Variants in ADGRE3 observed in about 807,000 individuals in gnomAD.
ADGRE3 encodes the protein adhesion G protein-coupled receptor E3.
A neutral mutation model predicts 80.1 loss-of-function variants in ADGRE3; 88 were observed. The ratio of observed to expected loss-of-function variants is 1.10; its 90% CI spans 0.93 to 1.31. ADGRE3 has a LOEUF of 1.31. Ranked by LOEUF, ADGRE3 falls within the 40% of genes most tolerant of loss-of-function variation. The pLI is 0.00. For synonymous variants in ADGRE3, 281 were observed against 294.8 expected (o/e 0.95, Z 0.48); for missense variants, 715 against 776.5 (o/e 0.92, Z 0.94).
intron 15 of ADGRE3, among the ~76,000 whole-genome samples, chr19:14,620,537 T>TATATATATATATATAATATATA (rs1415988959): frequency 5.4e-5 from 1 of 18,450 alleles, no homozygotes; most frequent in Non-Finnish European, 8.9e-5. Flanking sequence ...TATATATATT[T>TATATATATATATATAATATATA]TATATATATA....
At chr19:14,627,480 T>C (rs905025245) in intron 14 of ADGRE3, among the ~76,000 whole-genome samples, 3 of 152,076 alleles carry the variant, frequency 2.0e-5, no homozygotes, top group African/African-American at 7.2e-5. Context: ...CAGGTTAAAG[T>C]GATTCTCTAG....
At chr19:14,607,404 C>G in the ADGRE3 span, among the ~76,000 whole-genome samples, 25 of 151,694 alleles carry the variant, frequency 1.6e-4, no homozygotes, top group Non-Finnish European at 2.9e-4. Flanking sequence ...GGGGTTTCAC[C>G]GTGTTAGCCA....
chr19:14,650,078 C>G (rs1192744542), intron 7 of ADGRE3, among the ~76,000 whole-genome samples: 3 of 149,584 alleles, frequency 2.0e-5, no homozygotes, highest in Non-Finnish European at 4.5e-5. Context: ...TGCTTTTGAT[C>G]TCTCTCTCCC....
chr19:14,641,676 C>A, intron 9 of ADGRE3, 60 bp from the exon 10 acceptor site: 1 of 1,581,312 alleles, frequency 6.3e-7, no homozygotes. Flanking sequence ...ATGGCTCCCT[C>A]CTTGAACTGG....
chr19:14,625,864 T>C (rs577921550), intron 14 of ADGRE3, among the ~76,000 whole-genome samples: 12 of 152,250 alleles, frequency 7.9e-5, no homozygotes, highest in South Asian at 4.1e-4. Context: ...ATTCTACTTA[T>C]ATGAGGTACC....
intron 10 of ADGRE3, among the ~76,000 whole-genome samples, 196 bp from the exon 11 acceptor site, chr19:14,638,536 G>A (rs1256592247): frequency 6.6e-6 from 1 of 152,020 alleles, no homozygotes; most frequent in East Asian, 1.9e-4. Flanking sequence ...GATTGCTTGA[G>A]CCCAGGAGTT....
At chr19:14,643,831 C>T (rs1486718306) in intron 9 of ADGRE3, among the ~76,000 whole-genome samples, 1 of 151,988 alleles carries the variant, frequency 6.6e-6, no homozygotes, top group East Asian at 1.9e-4. Flanking sequence ...TTGTCTCAGC[C>T]TCCTGAGTAG....
rs1568479165 is a variant in ADGRE3, at chr19:14,633,310, CAG to C, written c.1485-10_1485-9del. The stretch of plus-strand genomic sequence containing the variant: ...TCCAGGTGGAGCCAGCATCTAGGAA[CAG>C]TGGGAAAAGAGATACAAAGAGAGAT... On this transcript the variant is annotated splice_polypyrimidine_tract_variant and intron_variant, in intron 11 of 15. Coordinates refer to ENST00000253673, the MANE Select transcript of ADGRE3 (RefSeq NM_032571.5). 3 of 1,608,554 alleles carry C rather than the reference CAG, an allele frequency of 1.9e-6. No individual in the cohort carries two copies. The highest frequency in any genetic ancestry group is 2.6e-6 in the Non-Finnish European group (3 of 1,176,458).
chr19:14,605,681 A>G, the ADGRE3 span, among the ~76,000 whole-genome samples: 1 of 151,790 alleles, frequency 6.6e-6, no homozygotes, highest in Non-Finnish European at 1.5e-5. Context: ...TTCTAACTAT[A>G]TTTTCTTCCC....
chr19:14,633,126 G>A, intron 12 of ADGRE3, 110 bp downstream of exon 12: 1 of 1,277,000 alleles, frequency 7.8e-7, no homozygotes, highest in Non-Finnish European at 1.1e-6. Context: ...TTGGTAGCAG[G>A]TGGAAAATCA....
In ADGRE3 at chr19:14,644,139, C is replaced by A; in HGVS notation, c.1019G>T (p.Ser340Ile). 6.3e-7 allele frequency: 1 copy of A among 1,581,900 alleles called. No homozygotes were observed. Among genetic ancestry groups the A allele is most frequent in the Non-Finnish European group, 8.6e-7 (1 of 1,165,806 alleles). ...GGTCAGGGCCATCAGGACAGCGAAG[C>A]TGGACAGGTGACTGCAATTACACAT... is the stretch of plus-strand genomic sequence containing the variant. ...HTMCNCSHLSSFAVLMALTSQ... is the reference protein window; with the variant it reads ...HTMCNCSHLSIFAVLMALTSQ... Residue 340 changes from serine to isoleucine, a missense_variant, in exon 9 of 16, where the codon AGC (serine) becomes ATC (isoleucine). Physicochemically the swap from Ser to Ile is moderately radical, Grantham distance 142. Coordinates refer to ENST00000253673, the MANE Select transcript of ADGRE3 (RefSeq NM_032571.5).
intron 11 of ADGRE3, among the ~76,000 whole-genome samples, chr19:14,633,828 G>T (rs1177583444): frequency 1.4e-5 from 2 of 141,190 alleles, no homozygotes. Flanking sequence ...CCAGGTTGGA[G>T]TGCAGTGGTG....
intron 9 of ADGRE3, among the ~76,000 whole-genome samples, chr19:14,642,723 C>A (rs147359057): frequency 2.4e-4 from 36 of 152,310 alleles, no homozygotes; most frequent in African/African-American, 8.2e-4. Context: ...CCTCCAGCTC[C>A]ATCCATGTCC....
chr19:14,660,613 G>T (rs921209725), intron 4 of ADGRE3, among the ~76,000 whole-genome samples: 2 of 146,046 alleles, frequency 1.4e-5, no homozygotes, highest in East Asian at 4.0e-4. Flanking sequence ...GACAGAGTGA[G>T]ACCCCATCTC....
intron 1 of ADGRE3, among the ~76,000 whole-genome samples, chr19:14,674,291 G>T (rs1007143910): frequency 2.6e-5 from 4 of 152,076 alleles, no homozygotes; most frequent in Non-Finnish European, 5.9e-5. Flanking sequence ...GAGGTCAGGA[G>T]TTCGAGACCA....
At chr19:14,659,495 A>T (rs1971876697) in intron 4 of ADGRE3, among the ~76,000 whole-genome samples, 1 of 152,034 alleles carries the variant, frequency 6.6e-6, no homozygotes, top group South Asian at 2.1e-4. Flanking sequence ...GTTAATGAAG[A>T]CTTTTGTGTT....
intron 8 of ADGRE3, 46 bp from the exon 9 acceptor site, chr19:14,644,321 C>G: frequency 7.7e-7 from 1 of 1,306,980 alleles, no homozygotes. Context: ...GTCTTTCTTT[C>G]TTTCTTTTTT....
intron 11 of ADGRE3, among the ~76,000 whole-genome samples, chr19:14,636,003 C>CTCTT (rs769785334): frequency 3.2e-5 from 2 of 63,276 alleles, no homozygotes; most frequent in East Asian, 1.6e-3. Context: ...CTCTCTCTTT[C>CTCTT]TCTTTCTTTC....
the ADGRE3 span, among the ~76,000 whole-genome samples, chr19:14,607,550 A>AT: frequency 4.2e-3 from 593 of 141,482 alleles, 5 homozygotes; most frequent in African/African-American, 0.015. Flanking sequence ...ATTTTATTTT[A>AT]TTATTTATTT....
Sources: gnomAD v4.1 joint callset for allele counts (sites outside exome capture counted in the v4.1 genomes callset) on GRCh38, gnomAD v4.1.1 for gene constraint, MANE v1.5 for transcripts, NCBI Gene and HGNC (gene_info 2026-07-23, HGNC 2026-07-21) for gene names.